Variants in RNF175 observed in about 807,000 individuals in gnomAD.
RNF175 encodes the protein ring finger protein 175.
A neutral mutation model predicts 50.0 loss-of-function variants in RNF175; 38 were observed. The observed-to-expected ratio is 0.76, with a 90% CI of 0.59 to 1.00. RNF175 has a LOEUF of 1.00. RNF175 is among the 50% of genes least tolerant of loss of function. The probability of loss-of-function intolerance (pLI) is 0.00; values close to 1 mark genes in which losing one functional copy is unlikely to be tolerated. For synonymous variants in RNF175, 155 were observed against 146.1 expected, an observed-to-expected ratio of 1.06 and a Z score of -0.44; for missense variants, 388 against 409.6, an observed-to-expected ratio of 0.95 and a Z score of 0.46.
intron 4 of RNF175, among the ~76,000 whole-genome samples, chr4:153,726,857 C>A (rs1412182675): frequency 6.6e-6 from 1 of 152,188 alleles, no homozygotes; most frequent in East Asian, 1.9e-4. Context: ...TCAGACTATC[C>A]TCTAGGGCTT....
chr4:153,757,062 A>T (rs1318711706), intron 1 of RNF175, among the ~76,000 whole-genome samples: 1 of 152,052 alleles, frequency 6.6e-6, no homozygotes, highest in East Asian at 1.9e-4. Context: ...CTGCCCCTGC[A>T]CACCCTCTGC....
At chr4:153,711,051 G>T (rs1388201770) in intron 8 of RNF175, among the ~76,000 whole-genome samples, 1 of 152,144 alleles carries the variant, frequency 6.6e-6, no homozygotes, top group Non-Finnish European at 1.5e-5. Flanking sequence ...CTCAATAAAA[G>T]AGTAGTATAT....
intron 4 of RNF175, among the ~76,000 whole-genome samples, chr4:153,723,717 T>G (rs1368285602): frequency 6.6e-6 from 1 of 152,168 alleles, no homozygotes; most frequent in East Asian, 1.9e-4. Context: ...CCTCATGTGC[T>G]TCACTTAAAA....
intron 1 of RNF175, among the ~76,000 whole-genome samples, chr4:153,753,573 C>G (rs564093207): frequency 3.3e-5 from 5 of 150,044 alleles, no homozygotes; most frequent in African/African-American, 1.2e-4. Flanking sequence ...TTTTTTTTTC[C>G]CGAGGTGGAG....
intron 3 of RNF175, among the ~76,000 whole-genome samples, chr4:153,735,186 A>G (rs1044480823): frequency 4.7e-5 from 7 of 148,830 alleles, no homozygotes; most frequent in Admixed American, 4.7e-4. Context: ...TTTCGAATTA[A>G]TTTTTCTAAA....
intron 6 of RNF175, among the ~76,000 whole-genome samples, 186 bp downstream of exon 6, chr4:153,719,998 G>T (rs2579909): frequency 0.36 from 54,694 of 152,090 alleles, 9,930 homozygotes; most frequent in African/African-American, 0.4. Flanking sequence ...AATTAACAAA[G>T]AATTTTTTGA....
At chr4:153,755,000 C>A (rs1740491956) in intron 1 of RNF175, among the ~76,000 whole-genome samples, 1 of 152,214 alleles carries the variant, frequency 6.6e-6, no homozygotes, top group South Asian at 2.1e-4. Flanking sequence ...TTCCATCTTC[C>A]CTGTCCCAGC....
At chr4:153,744,420 C>T (rs574841104) in intron 3 of RNF175, among the ~76,000 whole-genome samples, 2 of 151,104 alleles carry the variant, frequency 1.3e-5, no homozygotes, top group African/African-American at 4.9e-5. Flanking sequence ...AAAACTCCAT[C>T]TCAAAGAAAA....
chr4:153,734,390 G>T (rs1010853257), intron 3 of RNF175, among the ~76,000 whole-genome samples: 3 of 152,112 alleles, frequency 2.0e-5, no homozygotes, highest in African/African-American at 7.2e-5. Context: ...TATTCTAATA[G>T]GTGTGTAGTG....
intron 6 of RNF175, among the ~76,000 whole-genome samples, chr4:153,718,230 G>GT (rs1272804247): frequency 2.1e-3 from 66 of 31,860 alleles, no homozygotes; most frequent in South Asian, 0.01. Context: ...TTGTTTGTTT[G>GT]TTTGTTTGTT....
Position 153,735,746 on chromosome 4 carries a change from AT to A in RNF175, c.247-7386del, listed in dbSNP as rs1017579711. Among the ~76,000 whole-genome samples, 10 of 144,374 alleles carry A rather than the reference AT, an allele frequency of 6.9e-5. 1 individual carries two copies. Among genetic ancestry groups the A allele is most frequent in the Non-Finnish European group, 1.4e-4 (9 of 63,178 alleles). The allele number at this position is 144,374 out of a possible 152,430, so 94.7% of individuals were successfully genotyped here. A position where few individuals can be genotyped will look rare whatever the true frequency, so the allele number is the denominator to read the frequency against. Reference sequence around the variant, plus strand: ...TTGATAGATTTATGACTAAGTATTTATTTTTTTTGGTGCAACTGTAAATGGT... The same window carrying A: ...TTGATAGATTTATGACTAAGTATTTATTTTTTTGGTGCAACTGTAAATGGT... On this transcript the variant is annotated intron_variant, in intron 3 of 8. Transcript: ENST00000347063.
intron 2 of RNF175, among the ~76,000 whole-genome samples, chr4:153,750,617 G>A (rs1232974214): frequency 6.6e-6 from 1 of 152,060 alleles, no homozygotes; most frequent in African/African-American, 2.4e-5. Flanking sequence ...TCTATTGGAA[G>A]CTGAGCTCAG....
intron 1 of RNF175, among the ~76,000 whole-genome samples, chr4:153,754,559 T>A (rs1439408861): frequency 6.6e-6 from 1 of 152,190 alleles, no homozygotes; most frequent in Non-Finnish European, 1.5e-5. Context: ...CCAAAAGATA[T>A]GTTTGAGTCC....
At chr4:153,754,126 C>T (rs773121169) in intron 1 of RNF175, among the ~76,000 whole-genome samples, 155 of 115,236 alleles carry the variant, frequency 1.3e-3, no homozygotes, top group African/African-American at 5.1e-3. Flanking sequence ...GCTGAGATCG[C>T]GCCACTGCAC....
chr4:153,746,080 C>A (rs1244665797), intron 3 of RNF175, among the ~76,000 whole-genome samples: 2 of 152,210 alleles, frequency 1.3e-5, no homozygotes, highest in African/African-American at 4.8e-5. Flanking sequence ...ATGGATGAGA[C>A]TCAAGGCACA....
rs56211482 is a variant in RNF175 at position 153,734,665 on chromosome 4, C to CTTTTTTTTTTTTTTT, written c.247-6319_247-6305dup. 3.6e-4 allele frequency among the ~76,000 whole-genome samples: 26 copies of CTTTTTTTTTTTTTTT among 73,182 alleles called. 3 individuals are homozygous for CTTTTTTTTTTTTTTT. Among genetic ancestry groups the CTTTTTTTTTTTTTTT allele is most frequent in the African/African-American group, 1.5e-3 (18 of 12,008 alleles). The allele number at this position is 73,182 out of a possible 152,430, so 48.0% of individuals were successfully genotyped here. On this transcript the variant is annotated intron_variant, in intron 3 of 8. Transcript: ENST00000347063. The stretch of plus-strand genomic sequence containing the variant: ...TCCAAGTCTGGCTTGTTTTTTTATT[C>CTTTTTTTTTTTTTTT]TTTTTTTTTTTTTTTTTTTTTTTTT...
At chr4:153,734,374 T>A (rs1295437343) in intron 3 of RNF175, among the ~76,000 whole-genome samples, 7 of 152,246 alleles carry the variant, frequency 4.6e-5, no homozygotes, top group Admixed American at 2.6e-4. Context: ...TTTTTTGAAT[T>A]TTAGCTATTC....
In RNF175 at chr4:153,723,163, T is replaced by C. The variant is rs766048204; in HGVS notation, c.509+188A>G. 54 of 371,466 alleles carry C rather than the reference T, an allele frequency of 1.5e-4. No homozygotes were observed. The Middle Eastern group carries it at 2.2e-3, about 15-fold the overall frequency. 23.0% of individuals were successfully genotyped at this position (371,466 alleles called of 1,614,324 possible). A position where few individuals can be genotyped will look rare whatever the true frequency, so the allele number is the denominator to read the frequency against. On this transcript the variant is annotated intron_variant, in intron 5 of 8. Coordinates refer to ENST00000347063, the MANE Select transcript of RNF175 (RefSeq NM_173662.4). ...AAGCTCCTAATTTTAAAAAATTATT[T>C]TGTAGGGTGCTTCTTTCTTCCCTTT...
At position 153,710,363 on chromosome 4, in the gene RNF175, G is replaced by A; in HGVS notation, c.*6C>T. The A allele has an allele frequency of 6.5e-7, 1 of 1,549,216 alleles. No individual in the cohort carries two copies. The highest frequency in any genetic ancestry group is 8.7e-7 in the Non-Finnish European group (1 of 1,144,518). On this transcript the variant is annotated 3_prime_UTR_variant, in exon 9 of 9. Transcript: ENST00000347063. ...ATGCAGTATGTTGCTTCTGGGGTCT[G>A]CTGTCCTATTCCAGCCCTAGTGAAT...
Sources: allele counts gnomAD v4.1 joint callset (sites outside exome capture counted in the v4.1 genomes callset), GRCh38; gene constraint gnomAD v4.1.1; transcripts MANE v1.5; gene names NCBI Gene and HGNC (gene_info 2026-07-23, HGNC 2026-07-21).